The following TMEM177 variants were observed in gnomAD, a reference collection of about 807,000 sequenced individuals.
TMEM177 encodes the protein transmembrane protein 177.
TMEM177 carries 4 observed loss-of-function variants against 14.2 expected under a neutral mutation model. The observed-to-expected ratio is 0.28, with a 90% CI of 0.14 to 0.64. The LOEUF is 0.64. Ranked by LOEUF, TMEM177 falls within the 30% of genes least tolerant of loss-of-function variation. TMEM177 has a pLI of 0.82. For missense variants in TMEM177, 344 were observed against 405.2 expected (o/e 0.85, Z 1.30); for synonymous variants, 179 against 174.5 (o/e 1.03, Z -0.20).
chr2:119,694,983 G>A, the TMEM177 span, among the ~76,000 whole-genome samples: 1 of 152,230 alleles, frequency 6.6e-6, no homozygotes, highest in Non-Finnish European at 1.5e-5. Flanking sequence ...TCATTAAGCA[G>A]AGGTGAGAAT....
At chr2:119,713,520 A>G in the TMEM177 span, among the ~76,000 whole-genome samples, 2 of 152,176 alleles carry the variant, frequency 1.3e-5, no homozygotes, top group Non-Finnish European at 2.9e-5. Context: ...GAGTTTTTAT[A>G]TGATTTAAAT....
chr2:119,693,109 G>A, the TMEM177 span, among the ~76,000 whole-genome samples: 1 of 151,962 alleles, frequency 6.6e-6, no homozygotes, highest in African/African-American at 2.4e-5. Flanking sequence ...GCATCCACAC[G>A]TGAAGCCTGT....
chr2:119,688,315 TA>T (rs1689047007), downstream of TMEM177, among the ~76,000 whole-genome samples: 1 of 152,202 alleles, frequency 6.6e-6, no homozygotes, highest in Non-Finnish European at 1.5e-5. Context: ...TGAATTCAAA[TA>T]ATAAGGACTT....
At chr2:119,717,976 C>T in the TMEM177 span, among the ~76,000 whole-genome samples, 4 of 145,930 alleles carry the variant, frequency 2.7e-5, no homozygotes, top group Non-Finnish European at 6.3e-5. Context: ...TACCTCTTCC[C>T]GGCTCCTGCT....
the TMEM177 span, among the ~76,000 whole-genome samples, chr2:119,693,990 C>A: frequency 8.3e-3 from 7 of 842 alleles, no homozygotes; most frequent in East Asian, 0.02. Context: ...CCACATACAC[C>A]ACACACCACA....
At chr2:119,693,665 C>T in the TMEM177 span, among the ~76,000 whole-genome samples, 13 of 152,220 alleles carry the variant, frequency 8.5e-5, no homozygotes, top group African/African-American at 2.9e-4. Flanking sequence ...CTCTAAATAC[C>T]TGGGGGCAGA....
the TMEM177 span, among the ~76,000 whole-genome samples, chr2:119,709,979 G>A: frequency 6.6e-6 from 1 of 152,084 alleles, no homozygotes; most frequent in African/African-American, 2.4e-5. Flanking sequence ...GTGGCCGCCG[G>A]GGACTGGGGA....
In TMEM177 at chr2:119,681,334, C is replaced by A; in HGVS notation, c.481C>A (p.Leu161Met). 4 of 1,614,240 alleles carry A rather than the reference C, an allele frequency of 2.5e-6. No homozygotes were observed. Among genetic ancestry groups the A allele is most frequent in the Non-Finnish European group, 3.4e-6 (4 of 1,180,042 alleles). Residue 161 changes from leucine to methionine, a missense_variant, in exon 2 of 2, where the codon CTG (leucine) becomes ATG (methionine). By Grantham distance (15) the Leu-to-Met change is conservative. Coordinates refer to ENST00000272521, the MANE Select transcript of TMEM177 (RefSeq NM_030577.3). ...KFALAREVVY[L>M]ESSTTAVHAL... ...CGCCTTGGCCAGGGAAGTGGTGTAC[C>A]TGGAAAGCAGTACCACTGCCGTGCA...
chr2:119,693,533 G>C, the TMEM177 span, among the ~76,000 whole-genome samples: 1 of 152,158 alleles, frequency 6.6e-6, no homozygotes, highest in Non-Finnish European at 1.5e-5. Flanking sequence ...GAGCCACTCA[G>C]ACCGTCCACA....
At chr2:119,695,581 C>T in the TMEM177 span, among the ~76,000 whole-genome samples, 5 of 152,112 alleles carry the variant, frequency 3.3e-5, no homozygotes, top group Non-Finnish European at 5.9e-5. Context: ...GGGGAGGAAG[C>T]GCCATGGAGG....
the TMEM177 span, among the ~76,000 whole-genome samples, chr2:119,706,019 A>ATATATTATATATTACATATT: frequency 1.5e-5 from 2 of 136,236 alleles, no homozygotes; most frequent in African/African-American, 2.8e-5. Flanking sequence ...TATTATATAT[A>ATATATTATATATTACATATT]TTTATATATA....
At chr2:119,697,901 A>G in the TMEM177 span, among the ~76,000 whole-genome samples, 3 of 152,224 alleles carry the variant, frequency 2.0e-5, no homozygotes, top group Non-Finnish European at 4.4e-5. Flanking sequence ...GAAGGGCCAG[A>G]TGGCTGGAGC....
At chr2:119,688,248 G>A (rs1689046204), downstream of TMEM177, among the ~76,000 whole-genome samples, 1 of 152,170 alleles carries the variant, frequency 6.6e-6, no homozygotes, top group South Asian at 2.1e-4. Context: ...TAAAACCTAG[G>A]AGGAAATTCA....
At chr2:119,682,630 G>A (rs903809783), downstream of TMEM177, among the ~76,000 whole-genome samples, 5 of 152,144 alleles carry the variant, frequency 3.3e-5, no homozygotes, top group African/African-American at 1.2e-4. Context: ...CCAGAACTCC[G>A]AGATCTGTGG....
chr2:119,701,106 C>T, the TMEM177 span, among the ~76,000 whole-genome samples: 1 of 152,220 alleles, frequency 6.6e-6, no homozygotes, highest in Non-Finnish European at 1.5e-5. Flanking sequence ...TTATTCCTCC[C>T]CCATCCCTCC....
the TMEM177 span, among the ~76,000 whole-genome samples, chr2:119,719,249 A>G: frequency 6.6e-6 from 1 of 152,186 alleles, no homozygotes; most frequent in Non-Finnish European, 1.5e-5. Flanking sequence ...CCTGAGCTCT[A>G]TGCCATAGAC....
the TMEM177 span, among the ~76,000 whole-genome samples, chr2:119,696,851 G>A: frequency 2.6e-5 from 4 of 152,004 alleles, no homozygotes; most frequent in Non-Finnish European, 4.4e-5. Context: ...TGGAAATGAC[G>A]TTGGGGAGGT....
the TMEM177 span, among the ~76,000 whole-genome samples, chr2:119,709,607 G>T: frequency 6.6e-6 from 1 of 152,178 alleles, no homozygotes; most frequent in Non-Finnish European, 1.5e-5. Flanking sequence ...GGATCACGAG[G>T]TCAGGAGATT....
downstream of TMEM177, among the ~76,000 whole-genome samples, chr2:119,688,344 C>T (rs377761943): frequency 2.6e-5 from 4 of 152,278 alleles, no homozygotes; most frequent in African/African-American, 4.8e-5. Flanking sequence ...TATATATTTA[C>T]GGTCACGCAT....
Sources: allele counts gnomAD v4.1 joint callset (sites outside exome capture counted in the v4.1 genomes callset), GRCh38; gene constraint gnomAD v4.1.1; transcripts MANE v1.5; gene names NCBI Gene and HGNC (gene_info 2026-07-23, HGNC 2026-07-21).